The following SLCO5A1 variants were observed in gnomAD, a reference collection of about 807,000 sequenced individuals.
SLCO5A1 encodes organic anion transporter polypeptide-related protein 4.
In SLCO5A1, 39 loss-of-function variants were observed where a neutral mutation model predicts 65.1. That is an observed-to-expected ratio of 0.60 (90% CI 0.46 to 0.78). The LOEUF is 0.78. Among genes scored for constraint, SLCO5A1 ranks in the 30% least tolerant of loss-of-function variants. SLCO5A1 has a pLI of 0.00. For missense variants in SLCO5A1, 1,029 were observed against 1,069.4 expected (o/e 0.96, Z 0.53); for synonymous variants, 438 against 415.7 (o/e 1.05, Z -0.65).
rs1821162097 is a variant in SLCO5A1, at chr8:69,831,789, T to C, written c.885A>G (p.Lys295=). 6.2e-7 allele frequency: 1 copy of C among 1,614,000 alleles called. No homozygotes were observed. Among genetic ancestry groups the C allele is most frequent in the Non-Finnish European group, 8.5e-7 (1 of 1,180,022 alleles). ...TACCTAGGTACAAGGAGGAGTTTTC[T>C]TTCTTGACATTGTCATCTAAGTAGG... is the stretch of plus-strand genomic sequence containing the variant. ...GPTYLDDNVK[K]ENSSLYLAIM... The change falls in exon 2 of 10, where the codon AAA becomes AAG. Residue 295 remains lysine, a synonymous_variant. Transcript: ENST00000260126.
intron 6 of SLCO5A1, among the ~76,000 whole-genome samples, chr8:69,687,268 T>C (rs1009687527): frequency 7.9e-5 from 12 of 152,312 alleles, no homozygotes; most frequent in African/African-American, 2.9e-4. Context: ...CGTCTATGGC[T>C]ATTAAATACC....
At position 69,833,014 on chromosome 8, in the gene SLCO5A1, C is replaced by T. The variant is rs1454860376; in HGVS notation, c.-341G>A. On this transcript the variant is annotated 5_prime_UTR_variant, in exon 2 of 10. Coordinates refer to ENST00000260126, the MANE Select transcript of SLCO5A1 (RefSeq NM_030958.3). ...TCCCCTCCGCCGCCGCCGCCGCCGC[C>T]GCCGCTGGGCCCGCGGCCAGGAGCG... 3.2e-6 allele frequency: 1 copy of T among 313,976 alleles called. No homozygotes were observed. Among genetic ancestry groups the T allele is most frequent in the Non-Finnish European group, 5.6e-6 (1 of 177,310 alleles). The allele number at this position is 313,976 out of a possible 1,614,324, so 19.4% of individuals were successfully genotyped here.
At chr8:69,797,660 G>A (rs557863786) in intron 2 of SLCO5A1, among the ~76,000 whole-genome samples, 2 of 152,324 alleles carry the variant, frequency 1.3e-5, no homozygotes, top group East Asian at 1.9e-4. Flanking sequence ...CGAAGCTGTA[G>A]GGATGAAATA....
At chr8:69,741,668 T>C (rs1174472548) in intron 4 of SLCO5A1, among the ~76,000 whole-genome samples, 1 of 152,238 alleles carries the variant, frequency 6.6e-6, no homozygotes, top group African/African-American at 2.4e-5. Context: ...ATTAACACTA[T>C]ATGTCTCTGC....
intron 5 of SLCO5A1, among the ~76,000 whole-genome samples, chr8:69,728,684 A>T (rs1217724694): frequency 1.3e-5 from 2 of 151,856 alleles, no homozygotes; most frequent in African/African-American, 4.9e-5. Flanking sequence ...AATTGGTTTG[A>T]AATTATTATA....
chr8:69,747,810 A>G (rs1817107729), intron 4 of SLCO5A1, among the ~76,000 whole-genome samples: 1 of 151,984 alleles, frequency 6.6e-6, no homozygotes, highest in Non-Finnish European at 1.5e-5. Flanking sequence ...TGCAGTGAAA[A>G]CCTTAGTAAC....
intron 6 of SLCO5A1, among the ~76,000 whole-genome samples, chr8:69,697,872 A>C (rs369954351): frequency 5.3e-5 from 8 of 152,214 alleles, no homozygotes; most frequent in African/African-American, 1.9e-4. Flanking sequence ...AATTTTTTTA[A>C]ACTTATTTTA....
chr8:69,799,840 T>G (rs1026398003), intron 2 of SLCO5A1, among the ~76,000 whole-genome samples: 1 of 152,138 alleles, frequency 6.6e-6, no homozygotes, highest in Non-Finnish European at 1.5e-5. Context: ...TCCCACAACA[T>G]GTGGGGATTA....
intron 6 of SLCO5A1, among the ~76,000 whole-genome samples, chr8:69,685,871 T>C (rs1813977733): frequency 6.6e-6 from 1 of 152,202 alleles, no homozygotes; most frequent in Non-Finnish European, 1.5e-5. Context: ...TCGATGCTTA[T>C]GTAAAGTAAT....
chr8:69,683,551 C>T (rs1202990984), intron 6 of SLCO5A1, among the ~76,000 whole-genome samples: 3 of 147,470 alleles, frequency 2.0e-5, no homozygotes, highest in African/African-American at 7.6e-5. Flanking sequence ...CTCCCTCCCT[C>T]GCCACCAAGA....
intron 5 of SLCO5A1, among the ~76,000 whole-genome samples, chr8:69,726,109 A>G (rs1380144096): frequency 6.6e-6 from 1 of 152,244 alleles, no homozygotes; most frequent in South Asian, 2.1e-4. Context: ...TGCTTGGGAA[A>G]CAAATCCCAG....
intron 3 of SLCO5A1, among the ~76,000 whole-genome samples, chr8:69,755,866 T>C (rs1254854591): frequency 6.6e-6 from 1 of 152,244 alleles, no homozygotes; most frequent in Non-Finnish European, 1.5e-5. Flanking sequence ...TACTGAATAT[T>C]ATAATCAGCA....
chr8:69,692,439 T>G (rs778669436), intron 6 of SLCO5A1, among the ~76,000 whole-genome samples: 1 of 152,182 alleles, frequency 6.6e-6, no homozygotes, highest in African/African-American at 2.4e-5. Context: ...TAGGCTACGC[T>G]AAATCCATTA....
Position 69,832,644 on chromosome 8 carries a change from C to A in SLCO5A1, c.30G>T (p.Gly10=). 3 of 1,606,770 alleles carry A rather than the reference C, an allele frequency of 1.9e-6. No individual in the cohort carries two copies. Among genetic ancestry groups the A allele is most frequent in the South Asian group, 2.2e-5 (2 of 90,986 alleles). The part of the protein sequence containing the change: MDEGTGLQP[G]AGEQLEAPAT... ...CCGGCGCCTCCAGCTGCTCTCCCGC[C>A]CCGGGCTGCAGTCCAGTGCCTTCGT... Residue 10 remains glycine, a synonymous_variant, in exon 2 of 10, where the codon GGG becomes GGT. Transcript: ENST00000260126. This position sits in a 1 kb window ranked among gnomAD's most constrained non-coding sequence, Gnocchi z 4.5.
intron 4 of SLCO5A1, among the ~76,000 whole-genome samples, chr8:69,749,750 AAAC>A (rs369151895): frequency 4.2e-5 from 6 of 141,334 alleles, no homozygotes; most frequent in Admixed American, 1.4e-4. Flanking sequence ...AAAAAAAAAA[AAAC>A]ATTCCTGTCT....
At chr8:69,726,602 C>T (rs1385636112) in intron 5 of SLCO5A1, among the ~76,000 whole-genome samples, 1 of 150,692 alleles carries the variant, frequency 6.6e-6, no homozygotes. Context: ...TGTGTACAAG[C>T]GATCCTCCCA....
intron 2 of SLCO5A1, among the ~76,000 whole-genome samples, chr8:69,778,278 C>A (rs377316546): frequency 1.4e-5 from 2 of 146,728 alleles, no homozygotes; most frequent in East Asian, 4.1e-4. Context: ...TGTGTTAAAC[C>A]TTTTCAAATT....
chr8:69,763,616 A>G (rs1239792161), intron 2 of SLCO5A1, among the ~76,000 whole-genome samples: 1 of 72,916 alleles, frequency 1.4e-5, no homozygotes, highest in Non-Finnish European at 2.5e-5. Flanking sequence ...CAAGACTCCA[A>G]AAAAAAAAAA....
intron 2 of SLCO5A1, among the ~76,000 whole-genome samples, chr8:69,796,231 C>G (rs908678733): frequency 1.3e-5 from 2 of 151,674 alleles, no homozygotes; most frequent in African/African-American, 4.8e-5. Flanking sequence ...GAATTCCTCC[C>G]TAGAAAATGA....
Sources: gnomAD v4.1 joint callset for allele counts (sites outside exome capture counted in the v4.1 genomes callset) on GRCh38, gnomAD v4.1.1 for gene constraint, Gnocchi (gnomAD v3.1) non-coding constraint, MANE v1.5 for transcripts, NCBI Gene and HGNC (gene_info 2026-07-23, HGNC 2026-07-21) for gene names.